The following TRIO variants were observed in gnomAD, a reference collection of about 807,000 sequenced individuals.
The protein encoded by TRIO is triple functional domain protein.
A neutral mutation model predicts 351.9 loss-of-function variants in TRIO; 58 were observed. The observed-to-expected ratio is 0.16, with a 90% CI of 0.13 to 0.21. TRIO has a LOEUF of 0.21. TRIO is among the 10% of genes least tolerant of loss of function. The pLI, the probability that TRIO is intolerant of heterozygous loss-of-function variation, is 1.00. For missense variants in TRIO, 3,201 were observed against 4,027.8 expected (o/e 0.79, Z 5.56); for synonymous variants, 1,758 against 1,595.7 (o/e 1.10, Z -2.42).
intron 6 of TRIO, among the ~76,000 whole-genome samples, chr5:14,294,786 T>C (rs775534400): frequency 6.6e-6 from 1 of 152,214 alleles, no homozygotes; most frequent in Non-Finnish European, 1.5e-5. Context: ...TACATGTATA[T>C]GTAAAATGCA....
intron 41 of TRIO, 105 bp from the exon 42 acceptor site, chr5:14,479,156 T>G: frequency 1.1e-6 from 1 of 947,830 alleles, no homozygotes; most frequent in South Asian, 1.4e-5. Context: ...CAGCTTGGTT[T>G]TAAGATGAGT....
chr5:14,151,098 A>T (rs951220399), intron 1 of TRIO, among the ~76,000 whole-genome samples: 8 of 152,240 alleles, frequency 5.3e-5, no homozygotes, highest in African/African-American at 1.9e-4. Context: ...CGAAAGAAGA[A>T]GTTTAGTTTC....
chr5:14,176,421 G>T (rs2152131758), intron 1 of TRIO, among the ~76,000 whole-genome samples: 1 of 152,202 alleles, frequency 6.6e-6, no homozygotes, highest in Admixed American at 6.5e-5. Context: ...AGTGAGCCGA[G>T]ATCGCGCCAC....
intron 44 of TRIO, 128 bp downstream of exon 44, chr5:14,481,412 G>T: frequency 6.8e-7 from 1 of 1,474,524 alleles, no homozygotes; most frequent in Non-Finnish European, 9.4e-7. Context: ...TCTCTCCAGT[G>T]CATCTCCATA....
At chr5:14,369,617 C>G in intron 18 of TRIO, 94 bp downstream of exon 18, 2 of 1,437,234 alleles carry the variant, frequency 1.4e-6, no homozygotes, top group Non-Finnish European at 1.8e-6. Context: ...GGAGCCTGCC[C>G]CACACCTCTT....
At chr5:14,207,145 A>T (rs1465290960) in intron 1 of TRIO, among the ~76,000 whole-genome samples, 1 of 152,026 alleles carries the variant, frequency 6.6e-6, no homozygotes, top group Non-Finnish European at 1.5e-5. Context: ...CTTTAAGGAA[A>T]TGGTCTGGGT....
chr5:14,278,065 C>T (rs1735695532), intron 2 of TRIO, among the ~76,000 whole-genome samples: 1 of 152,180 alleles, frequency 6.6e-6, no homozygotes, highest in South Asian at 2.1e-4. Flanking sequence ...AATTCAGATT[C>T]AGGTGTCTAT....
At chr5:14,253,224 C>A (rs1371841711) in intron 1 of TRIO, among the ~76,000 whole-genome samples, 1 of 152,160 alleles carries the variant, frequency 6.6e-6, no homozygotes, top group Non-Finnish European at 1.5e-5. Flanking sequence ...TTAAGAAATA[C>A]TTATTTATGG....
intron 7 of TRIO, among the ~76,000 whole-genome samples, chr5:14,303,606 T>C (rs1389655111): frequency 7.4e-6 from 1 of 135,594 alleles, no homozygotes; most frequent in African/African-American, 2.8e-5. Context: ...GGATGGCAGC[T>C]GCAGGAATTG....
At chr5:14,146,778 C>T (rs1463461616) in intron 1 of TRIO, among the ~76,000 whole-genome samples, 1 of 152,194 alleles carries the variant, frequency 6.6e-6, no homozygotes, top group Non-Finnish European at 1.5e-5. Flanking sequence ...AGTGCCTAAT[C>T]ATTGTTCTCC....
At chr5:14,463,501 A>G (rs144326490) in intron 36 of TRIO, among the ~76,000 whole-genome samples, 3 of 152,190 alleles carry the variant, frequency 2.0e-5, no homozygotes, top group Non-Finnish European at 2.9e-5. Context: ...CATGAAAGTC[A>G]TTTGTTTTCT....
At chr5:14,507,400 T>A in intron 56 of TRIO, 140 bp downstream of exon 56, 1 of 1,199,584 alleles carries the variant, frequency 8.3e-7, no homozygotes, top group Non-Finnish European at 1.1e-6. Context: ...GCGCAGACAC[T>A]GATTGCTAAT....
intron 1 of TRIO, among the ~76,000 whole-genome samples, chr5:14,210,437 G>A (rs1435294358): frequency 6.6e-6 from 1 of 152,204 alleles, no homozygotes; most frequent in Non-Finnish European, 1.5e-5. Flanking sequence ...TTTGTGGCCT[G>A]CGTTTAGCTT....
chr5:14,303,007 G>A (rs1366583715), intron 7 of TRIO, among the ~76,000 whole-genome samples: 1 of 152,214 alleles, frequency 6.6e-6, no homozygotes, highest in Non-Finnish European at 1.5e-5. Context: ...GTCAGTGGAG[G>A]AGATTGAGCC....
At chr5:14,191,020 G>A (rs930752549) in intron 1 of TRIO, among the ~76,000 whole-genome samples, 3 of 152,106 alleles carry the variant, frequency 2.0e-5, no homozygotes, top group Admixed American at 6.5e-5. Context: ...TTCTCCAAAG[G>A]GGCAGCTGCA....
intron 1 of TRIO, among the ~76,000 whole-genome samples, chr5:14,234,283 A>G (rs1284978455): frequency 1.3e-5 from 2 of 152,196 alleles, no homozygotes; most frequent in Non-Finnish European, 2.9e-5. Context: ...TAGTTGGACA[A>G]GCTGGGCAGT....
intron 53 of TRIO, 172 bp downstream of exon 53, chr5:14,498,812 G>A: frequency 9.9e-7 from 1 of 1,010,036 alleles, no homozygotes; most frequent in East Asian, 2.6e-5. Context: ...TGTCTGGGAT[G>A]TCACAGGAGA....
chr5:14,214,867 T>C (rs953082425), intron 1 of TRIO, among the ~76,000 whole-genome samples: 7 of 152,254 alleles, frequency 4.6e-5, no homozygotes, highest in Non-Finnish European at 5.9e-5. Flanking sequence ...CCTTAAGTCA[T>C]TTGAACTCAT....
At chr5:14,372,587 G>A (rs1745216474) in intron 18 of TRIO, among the ~76,000 whole-genome samples, 1 of 152,160 alleles carries the variant, frequency 6.6e-6, no homozygotes, top group African/African-American at 2.4e-5. Flanking sequence ...CTAAAGTAGA[G>A]TTTGTCCAGA....
Sources: gnomAD v4.1 joint callset for allele counts (sites outside exome capture counted in the v4.1 genomes callset) on GRCh38, gnomAD v4.1.1 for gene constraint, MANE v1.5 for transcripts, NCBI Gene and HGNC (gene_info 2026-07-23, HGNC 2026-07-21) for gene names.